Variants in CFAP54 observed in about 807,000 individuals in gnomAD.
CFAP54 encodes the protein cilia and flagella associated protein 54.
CFAP54 carries 290 observed loss-of-function variants against 370.4 expected under a neutral mutation model. That is an observed-to-expected ratio of 0.78 (90% CI 0.71 to 0.86). The LOEUF (loss-of-function observed/expected upper bound fraction) is 0.86, where lower values mean the gene tolerates loss of function less well. Among genes scored for constraint, CFAP54 ranks in the 40% least tolerant of loss-of-function variants. The probability of loss-of-function intolerance (pLI) is 0.00; values close to 1 mark genes in which losing one functional copy is unlikely to be tolerated. For missense variants in CFAP54, 3,399 were observed against 3,528.7 expected (o/e 0.96, Z 0.93); for synonymous variants, 1,206 against 1,236.5 (o/e 0.98, Z 0.52).
chr12:96,786,526 A>C, intron 61 of CFAP54, 149 bp from the exon 62 acceptor site: 1 of 623,376 alleles, frequency 1.6e-6, no homozygotes, highest in Non-Finnish European at 2.7e-6. Flanking sequence ...CCATTAGTGT[A>C]TAAGCTCTAA....
intron 66 of CFAP54, 43 bp from the exon 67 acceptor site, chr12:96,860,774 GTT>G (rs1959859558): frequency 6.7e-7 from 1 of 1,483,810 alleles, no homozygotes; most frequent in Non-Finnish European, 8.9e-7. Context: ...TTTGTCAACA[GTT>G]TGAAACAATG....
chr12:96,628,077 G>C (rs190754724), intron 30 of CFAP54, among the ~76,000 whole-genome samples: 1 of 152,294 alleles, frequency 6.6e-6, no homozygotes, highest in African/African-American at 2.4e-5. Flanking sequence ...GCAATAGGCT[G>C]TACTATATCA....
chr12:96,847,159 A>G (rs1959381964), intron 66 of CFAP54, among the ~76,000 whole-genome samples: 1 of 152,204 alleles, frequency 6.6e-6, no homozygotes, highest in African/African-American at 2.4e-5. Context: ...TTTATAAAGG[A>G]TACAGGAACC....
intron 33 of CFAP54, among the ~76,000 whole-genome samples, chr12:96,644,821 C>A (rs1956771448): frequency 6.6e-6 from 1 of 152,098 alleles, no homozygotes; most frequent in Non-Finnish European, 1.5e-5. Context: ...CTGGTCCTGC[C>A]CTTGACACGT....
chr12:96,770,066 C>T (rs1459271160), intron 60 of CFAP54, among the ~76,000 whole-genome samples: 1 of 152,240 alleles, frequency 6.6e-6, no homozygotes, highest in East Asian at 1.9e-4. Flanking sequence ...TTTTCCTATT[C>T]CTCTAACACA....
intron 66 of CFAP54, among the ~76,000 whole-genome samples, chr12:96,845,730 G>T (rs1041775046): frequency 3.9e-5 from 6 of 152,136 alleles, no homozygotes; most frequent in Non-Finnish European, 7.4e-5. Flanking sequence ...TAAACTTTCT[G>T]ACAGCTAAGT....
At chr12:96,818,328 A>AT (rs1055871450) in intron 65 of CFAP54, among the ~76,000 whole-genome samples, 2 of 152,290 alleles carry the variant, frequency 1.3e-5, no homozygotes, top group African/African-American at 4.8e-5. Flanking sequence ...TATTACATAT[A>AT]TTTTTTCTAA....
chr12:96,807,834 A>G (rs1430259907), intron 63 of CFAP54, among the ~76,000 whole-genome samples: 1 of 152,176 alleles, frequency 6.6e-6, no homozygotes, highest in Admixed American at 6.6e-5. Context: ...GAGCTAAAAT[A>G]ATGCCTTAGA....
chr12:96,637,077 G>A (rs958390931), intron 32 of CFAP54, among the ~76,000 whole-genome samples: 2 of 152,028 alleles, frequency 1.3e-5, no homozygotes, highest in Non-Finnish European at 2.9e-5. Flanking sequence ...TCAGCTTGAG[G>A]CAACCATGAA....
chr12:96,693,682 A>G (rs1957411905), intron 44 of CFAP54, 40 bp from the exon 45 acceptor site: 1 of 1,298,076 alleles, frequency 7.7e-7, no homozygotes, highest in African/African-American at 1.5e-5. Flanking sequence ...TTAGTTTGAT[A>G]AAATATATTT....
intron 62 of CFAP54, among the ~76,000 whole-genome samples, chr12:96,787,911 T>A (rs562377861): frequency 2.0e-5 from 3 of 152,122 alleles, no homozygotes; most frequent in South Asian, 4.1e-4. Flanking sequence ...GTGAGGTTTT[T>A]TTTTTTTGGT....
rs372383524 is a variant in CFAP54, at chr12:96,854,783, G to A, written c.9172-6036G>A. 4.0e-3 allele frequency among the ~76,000 whole-genome samples: 612 copies of A among 152,176 alleles called. 3 individuals are homozygous for A. The highest frequency in any genetic ancestry group is 0.01 in the Middle Eastern group (3 of 294). On this transcript the variant is annotated intron_variant, in intron 66 of 67. Transcript: ENST00000524981. ...TAATCCTTGTAACAAGATGATATAG[G>A]AACTATTATAATGTCTTTTTTTTAA...
chr12:96,868,465 A>G (rs1421884703), intron 67 of CFAP54, among the ~76,000 whole-genome samples: 1 of 147,754 alleles, frequency 6.8e-6, no homozygotes, highest in Non-Finnish European at 1.5e-5. Flanking sequence ...AAGATCCCTC[A>G]ATAACAGGAA....
chr12:96,725,169 G>A (rs1263269537), intron 50 of CFAP54, among the ~76,000 whole-genome samples: 2 of 151,810 alleles, frequency 1.3e-5, no homozygotes, highest in Non-Finnish European at 2.9e-5. Context: ...GCTCTTTTTT[G>A]GTTCCATATG....
At chr12:96,635,946 G>A (rs1592897615) in intron 32 of CFAP54, among the ~76,000 whole-genome samples, 1 of 152,076 alleles carries the variant, frequency 6.6e-6, no homozygotes, top group South Asian at 2.1e-4. Flanking sequence ...CTGAACCTCC[G>A]AGTTCAAGAC....
chr12:96,519,134 T>C, intron 6 of CFAP54, 63 bp downstream of exon 6: 2 of 1,472,426 alleles, frequency 1.4e-6, no homozygotes, highest in Non-Finnish European at 1.8e-6. Context: ...AATCTGGCTT[T>C]GTTGCCCAGG....
chr12:96,747,921 T>G (rs1215311948), intron 55 of CFAP54, among the ~76,000 whole-genome samples: 1 of 152,238 alleles, frequency 6.6e-6, no homozygotes, highest in Non-Finnish European at 1.5e-5. Flanking sequence ...TATTTTACTT[T>G]AGTTTCTTTA....
At chr12:96,859,224 C>T (rs551543674) in intron 66 of CFAP54, among the ~76,000 whole-genome samples, 1 of 152,216 alleles carries the variant, frequency 6.6e-6, no homozygotes, top group African/African-American at 2.4e-5. Flanking sequence ...TGAAGCTGGA[C>T]CCCTTATTTA....
chr12:96,795,450 T>TTGCTGTGGC (rs1227813455), intron 63 of CFAP54, among the ~76,000 whole-genome samples: 1 of 152,076 alleles, frequency 6.6e-6, no homozygotes, highest in Non-Finnish European at 1.5e-5. Context: ...TGGGCAGGGC[T>TTGCTGTGGC]TGCTGTGGCT....
Sources: gnomAD v4.1 joint callset for allele counts (sites outside exome capture counted in the v4.1 genomes callset) on GRCh38, gnomAD v4.1.1 for gene constraint, MANE v1.5 for transcripts, NCBI Gene and HGNC (gene_info 2026-07-23, HGNC 2026-07-21) for gene names.